Variants in FSTL5 observed in about 807,000 individuals in gnomAD.
FSTL5 encodes follistatin-related protein 5.
A neutral mutation model predicts 89.1 loss-of-function variants in FSTL5; 62 were observed. The ratio of observed to expected loss-of-function variants is 0.70; its 90% confidence interval spans 0.57 to 0.86. FSTL5 has a LOEUF of 0.86. FSTL5 is among the 40% of genes least tolerant of loss of function. The pLI is 0.00. For missense variants in FSTL5, 1,057 were observed against 1,001.6 expected, an observed-to-expected ratio of 1.06 and a Z score of -0.75; for synonymous variants, 383 against 346.2, an observed-to-expected ratio of 1.11 and a Z score of -1.18.
At chr4:161,468,112 T>G (rs980279334) in intron 13 of FSTL5, among the ~76,000 whole-genome samples, 5 of 152,106 alleles carry the variant, frequency 3.3e-5, no homozygotes, top group Non-Finnish European at 7.4e-5. Flanking sequence ...TTAATAGCTC[T>G]CATAATTGAA....
intron 2 of FSTL5, among the ~76,000 whole-genome samples, chr4:162,102,038 T>C (rs1472757183): frequency 6.6e-6 from 1 of 152,164 alleles, no homozygotes; most frequent in Non-Finnish European, 1.5e-5. Context: ...CTATATTTTA[T>C]TTTTTGAATA....
chr4:161,795,897 C>CT (rs1729617999), intron 4 of FSTL5, among the ~76,000 whole-genome samples: 1 of 151,768 alleles, frequency 6.6e-6, no homozygotes, highest in South Asian at 2.1e-4. Flanking sequence ...CTTTGTTGTT[C>CT]TTTATCATCA....
intron 6 of FSTL5, among the ~76,000 whole-genome samples, chr4:161,694,984 A>G (rs1738087969): frequency 1.3e-5 from 2 of 150,396 alleles, no homozygotes; most frequent in African/African-American, 5.0e-5. Context: ...TAAAAAATAG[A>G]AAAAAAATGT....
chr4:161,773,982 C>T (rs1490366891), intron 5 of FSTL5, among the ~76,000 whole-genome samples: 1 of 152,094 alleles, frequency 6.6e-6, no homozygotes, highest in Admixed American at 6.6e-5. Flanking sequence ...TGTGATATGG[C>T]CGGGCGTGGT....
At chr4:161,773,988 G>A (rs7655278) in intron 5 of FSTL5, among the ~76,000 whole-genome samples, 31,886 of 152,070 alleles carry the variant, frequency 0.21, 6,150 homozygotes, top group African/African-American at 0.51. Flanking sequence ...ATGGCCGGGC[G>A]TGGTGGCTCA....
At chr4:162,123,127 A>T (rs942260191) in intron 1 of FSTL5, among the ~76,000 whole-genome samples, 13 of 152,166 alleles carry the variant, frequency 8.5e-5, no homozygotes, top group Non-Finnish European at 8.8e-5. Flanking sequence ...CCTATTCCAT[A>T]CCAAGGTCTC....
At chr4:161,935,083 T>G (rs887464044) in intron 3 of FSTL5, among the ~76,000 whole-genome samples, 1 of 152,118 alleles carries the variant, frequency 6.6e-6, no homozygotes, top group African/African-American at 2.4e-5. Flanking sequence ...TTTCATATAT[T>G]TTAGGCAATT....
intron 4 of FSTL5, among the ~76,000 whole-genome samples, chr4:161,860,482 A>G (rs1198907078): frequency 1.3e-5 from 2 of 152,198 alleles, no homozygotes; most frequent in Non-Finnish European, 2.9e-5. Flanking sequence ...TAAACTTTTC[A>G]TATCAATCTG....
intron 7 of FSTL5, among the ~76,000 whole-genome samples, chr4:161,595,809 G>T (rs1733994297): frequency 1.3e-5 from 2 of 151,892 alleles, no homozygotes; most frequent in South Asian, 4.2e-4. Context: ...TATTTCATCT[G>T]TTATAAAATG....
At chr4:161,831,812 A>G (rs1021439650) in intron 4 of FSTL5, among the ~76,000 whole-genome samples, 1 of 151,842 alleles carries the variant, frequency 6.6e-6, no homozygotes, top group African/African-American at 2.4e-5. Context: ...ATATATACAT[A>G]TATATGCCAT....
intron 6 of FSTL5, among the ~76,000 whole-genome samples, chr4:161,665,779 T>C (rs909742423): frequency 3.3e-5 from 5 of 152,062 alleles, no homozygotes; most frequent in African/African-American, 1.2e-4. Flanking sequence ...GAAACTTGCC[T>C]TGAAGTAAAT....
chr4:161,574,476 A>G (rs917070248), intron 8 of FSTL5, among the ~76,000 whole-genome samples: 3 of 151,768 alleles, frequency 2.0e-5, no homozygotes, highest in Admixed American at 2.0e-4. Flanking sequence ...TAAGCCCCAT[A>G]TGCATTAGGT....
intron 7 of FSTL5, among the ~76,000 whole-genome samples, chr4:161,637,489 T>G (rs1735765346): frequency 6.6e-6 from 1 of 151,978 alleles, no homozygotes; most frequent in Admixed American, 6.5e-5. Flanking sequence ...TTGTCAATTT[T>G]GTCGTTTGTT....
At chr4:161,946,396 T>G (rs1043631057) in intron 3 of FSTL5, among the ~76,000 whole-genome samples, 1 of 152,220 alleles carries the variant, frequency 6.6e-6, no homozygotes. Flanking sequence ...CTATAATGTA[T>G]AATTATGTTT....
chr4:161,958,821 T>A (rs1428775045), intron 3 of FSTL5, among the ~76,000 whole-genome samples: 1 of 152,188 alleles, frequency 6.6e-6, no homozygotes, highest in Non-Finnish European at 1.5e-5. Flanking sequence ...CATTGAAGAC[T>A]CAGCTGAAGA....
intron 4 of FSTL5, among the ~76,000 whole-genome samples, chr4:161,902,714 T>C (rs1485916069): frequency 6.6e-6 from 1 of 151,994 alleles, no homozygotes; most frequent in South Asian, 2.1e-4. Context: ...CCAGGCGTGA[T>C]GGTGGGCGCC....
intron 7 of FSTL5, 112 bp downstream of exon 7, chr4:161,656,216 A>G: frequency 2.0e-6 from 1 of 512,326 alleles, no homozygotes; most frequent in East Asian, 3.3e-5. Context: ...ATGTCCCAAT[A>G]ATTCTCTTTT....
intron 3 of FSTL5, among the ~76,000 whole-genome samples, chr4:161,947,520 G>A (rs917833855): frequency 1.3e-5 from 2 of 151,848 alleles, no homozygotes; most frequent in African/African-American, 2.4e-5. Context: ...GTGATTAATT[G>A]GTGCATTGGC....
At position 162,128,918 on chromosome 4, in the gene FSTL5, G is replaced by A. The variant is rs913680555; in HGVS notation, c.-16-17506C>T. Among the ~76,000 whole-genome samples, 3 of 127,786 alleles carry A rather than the reference G, an allele frequency of 2.3e-5. No individual in the cohort carries two copies. The Admixed American group carries it at 2.9e-4, about 12-fold the overall frequency. 83.8% of individuals were successfully genotyped at this position (127,786 alleles called of 152,430 possible). On this transcript the variant is annotated intron_variant, in intron 1 of 15. Coordinates refer to ENST00000306100, the MANE Select transcript of FSTL5 (RefSeq NM_020116.5). ...TCAGCTATAATACCTTACTGTTTGA[G>A]ACTTTTTTTTTTTTTTTTTTGAGAC...
Sources: allele counts gnomAD v4.1 joint callset (sites outside exome capture counted in the v4.1 genomes callset), GRCh38; gene constraint gnomAD v4.1.1; transcripts MANE v1.5; gene names NCBI Gene and HGNC (gene_info 2026-07-23, HGNC 2026-07-21).